Variants in TSHZ2 observed in about 807,000 individuals in gnomAD.
TSHZ2 encodes the protein teashirt homolog 2.
TSHZ2 carries 21 observed loss-of-function variants against 74.4 expected under a neutral mutation model. The observed-to-expected ratio is 0.28, with a 90% CI of 0.20 to 0.41. The LOEUF (loss-of-function observed/expected upper bound fraction) is 0.41, where lower values mean the gene tolerates loss of function less well. Ranked by LOEUF, TSHZ2 falls within the 10% of genes least tolerant of loss-of-function variation. The pLI is 1.00. For missense variants in TSHZ2, 1,244 were observed against 1,293.5 expected, an observed-to-expected ratio of 0.96 and a Z score of 0.59; for synonymous variants, 540 against 515.3, an observed-to-expected ratio of 1.05 and a Z score of -0.65.
At chr20:53,336,577 G>A (rs1008068313) in intron 2 of TSHZ2, among the ~76,000 whole-genome samples, 1 of 152,338 alleles carries the variant, frequency 6.6e-6, no homozygotes, top group African/African-American at 2.4e-5. Context: ...GGTAAGCACA[G>A]TGAGGCCAAC....
chr20:53,215,771 G>A (rs1989421626), intron 1 of TSHZ2, among the ~76,000 whole-genome samples: 1 of 151,642 alleles, frequency 6.6e-6, no homozygotes. Flanking sequence ...AGGAGGCTGA[G>A]GCAGGAGCAT....
At chr20:53,395,025 G>A (rs1247845520) in intron 2 of TSHZ2, among the ~76,000 whole-genome samples, 2 of 152,108 alleles carry the variant, frequency 1.3e-5, no homozygotes, top group Non-Finnish European at 2.9e-5. Context: ...CGCTAGTCAA[G>A]CCAAGTTCTC....
At chr20:52,978,774 T>C (rs1981447811) in intron 1 of TSHZ2, among the ~76,000 whole-genome samples, 1 of 152,226 alleles carries the variant, frequency 6.6e-6, no homozygotes, top group African/African-American at 2.4e-5. Flanking sequence ...GAGAACGCTT[T>C]TATATTTTTA....
intron 1 of TSHZ2, among the ~76,000 whole-genome samples, chr20:53,150,883 C>T (rs114168444): frequency 3.9e-4 from 59 of 152,290 alleles, no homozygotes; most frequent in African/African-American, 1.3e-3. Context: ...GGTATACTTA[C>T]GTGGGAAGGC....
intron 2 of TSHZ2, among the ~76,000 whole-genome samples, chr20:53,456,007 G>C (rs911671362): frequency 6.6e-6 from 1 of 151,984 alleles, no homozygotes; most frequent in African/African-American, 2.4e-5. Context: ...TGTGAATAAT[G>C]CCACAATAAA....
intron 1 of TSHZ2, chr20:53,185,795 T>G: frequency 1.6e-6 from 2 of 1,250,210 alleles, no homozygotes; most frequent in Non-Finnish European, 2.2e-6. Context: ...TAATTAATAA[T>G]CCCTTGCTTG....
At chr20:53,156,638 AC>A (rs1400151701) in intron 1 of TSHZ2, among the ~76,000 whole-genome samples, 1 of 152,222 alleles carries the variant, frequency 6.6e-6, no homozygotes, top group Non-Finnish European at 1.5e-5. Flanking sequence ...TGAAGGGCAA[AC>A]TCCCATGATT....
intron 1 of TSHZ2, among the ~76,000 whole-genome samples, chr20:53,099,052 A>AT (rs1568758422): frequency 6.6e-6 from 1 of 152,180 alleles, no homozygotes. Flanking sequence ...GTGGTCCTAC[A>AT]TATAATTCTA....
intron 2 of TSHZ2, among the ~76,000 whole-genome samples, chr20:53,267,493 C>T (rs1366241997): frequency 6.6e-6 from 1 of 152,178 alleles, no homozygotes; most frequent in Non-Finnish European, 1.5e-5. Flanking sequence ...ATCCATTTTA[C>T]ATAAGAGGAA....
At chr20:53,000,021 C>T (rs573334280) in intron 1 of TSHZ2, among the ~76,000 whole-genome samples, 54 of 152,346 alleles carry the variant, frequency 3.5e-4, no homozygotes, top group Non-Finnish European at 4.9e-4. Context: ...TTATGCTAAA[C>T]ACTTATGATG....
chr20:53,437,685 TC>T (rs891590557), intron 2 of TSHZ2, among the ~76,000 whole-genome samples: 8 of 152,120 alleles, frequency 5.3e-5, no homozygotes, highest in African/African-American at 1.9e-4. Context: ...TGAAATGTGA[TC>T]CCCAATGTTG....
intron 2 of TSHZ2, among the ~76,000 whole-genome samples, chr20:53,440,664 C>A (rs373956541): frequency 1.3e-5 from 2 of 152,074 alleles, no homozygotes. Context: ...TTGGCTGTGC[C>A]GTAGAGTTGG....
intron 1 of TSHZ2, among the ~76,000 whole-genome samples, chr20:53,191,580 T>C (rs572527688): frequency 6.6e-6 from 1 of 152,228 alleles, no homozygotes; most frequent in Non-Finnish European, 1.5e-5. Context: ...GGAGAATCAC[T>C]TGAACCCAGG....
intron 2 of TSHZ2, among the ~76,000 whole-genome samples, chr20:53,288,459 A>G (rs1457152762): frequency 6.6e-6 from 1 of 151,792 alleles, no homozygotes; most frequent in Non-Finnish European, 1.5e-5. Flanking sequence ...TTAGGTTTAT[A>G]TTGACATTAA....
At chr20:53,385,214 G>C (rs1046460972) in intron 2 of TSHZ2, among the ~76,000 whole-genome samples, 5 of 151,974 alleles carry the variant, frequency 3.3e-5, no homozygotes, top group Non-Finnish European at 5.9e-5. Flanking sequence ...ATGTATAGTA[G>C]GAATAATATA....
intron 2 of TSHZ2, among the ~76,000 whole-genome samples, chr20:53,354,395 G>C (rs937436737): frequency 5.3e-5 from 8 of 152,184 alleles, no homozygotes; most frequent in Non-Finnish European, 1.0e-4. Flanking sequence ...GACTGGAATA[G>C]ATTAATGTCT....
chr20:53,046,122 A>G (rs548520882), intron 1 of TSHZ2, among the ~76,000 whole-genome samples: 7 of 152,222 alleles, frequency 4.6e-5, no homozygotes, highest in Non-Finnish European at 1.0e-4. Context: ...GGGTCTGGAC[A>G]GTGTATCTGT....
chr20:53,335,506 G>A (rs1251853549), intron 2 of TSHZ2, among the ~76,000 whole-genome samples: 1 of 152,236 alleles, frequency 6.6e-6, no homozygotes, highest in Non-Finnish European at 1.5e-5. Flanking sequence ...CAGACTCCTG[G>A]ATGAGAGAGG....
At chr20:53,378,244 G>T (rs1981731975) in intron 2 of TSHZ2, among the ~76,000 whole-genome samples, 1 of 151,618 alleles carries the variant, frequency 6.6e-6, no homozygotes, top group South Asian at 2.1e-4. Flanking sequence ...GAAAGCTGAT[G>T]CAGGGGAATC....
Sources: allele counts gnomAD v4.1 joint callset (sites outside exome capture counted in the v4.1 genomes callset), GRCh38; gene constraint gnomAD v4.1.1; transcripts MANE v1.5; gene names NCBI Gene and HGNC (gene_info 2026-07-23, HGNC 2026-07-21).